ADGRL4: variants seen among roughly 807,000 people sequenced by gnomAD.
The protein encoded by ADGRL4 is adhesion G protein-coupled receptor L4.
Under a neutral mutation model 74.8 loss-of-function variants are expected in ADGRL4, and 90 were observed. The ratio of observed to expected loss-of-function variants is 1.20; its 90% confidence interval spans 1.02 to 1.43. The LOEUF (loss-of-function observed/expected upper bound fraction) is 1.43. Ranked by LOEUF, ADGRL4 falls within the 40% of genes most tolerant of loss-of-function variation. The pLI is 0.00. For synonymous variants in ADGRL4, 311 were observed against 279.2 expected, an observed-to-expected ratio of 1.11 and a Z score of -1.14; for missense variants, 881 against 814.3, an observed-to-expected ratio of 1.08 and a Z score of -1.00.
At chr1:78,931,296 A>G (rs1274867033) in intron 7 of ADGRL4, among the ~76,000 whole-genome samples, 1 of 151,440 alleles carries the variant, frequency 6.6e-6, no homozygotes. Flanking sequence ...TTAAGAAAAG[A>G]ATTTTCAACC....
intron 2 of ADGRL4, among the ~76,000 whole-genome samples, chr1:78,959,053 T>C (rs1489388): frequency 0.014 from 2,191 of 152,296 alleles, 55 homozygotes; most frequent in African/African-American, 0.05. Context: ...GTACATACAT[T>C]GTTTTCTTTA....
rs1203659511 is a variant in ADGRL4, at chr1:78,891,203, T to C, written c.2024A>G (p.Tyr675Cys). ...GGGGACATTTTTGAACAATCTGTAA[T>C]ATTCTTCTTGAATCTAAAAATTAAA... ...CVLSRKIQEEYYRLFKNVPCC... is the reference protein window; with the variant it reads ...CVLSRKIQEECYRLFKNVPCC... Residue 675 changes from tyrosine to cysteine, a missense_variant, in exon 15 of 15, where the codon TAT becomes TGT. Coordinates refer to ENST00000370742, the MANE Select transcript of ADGRL4 (RefSeq NM_022159.4). The C allele has an allele frequency of 1.9e-6, 3 of 1,607,288 alleles. No individual in the cohort carries two copies. The highest frequency in any genetic ancestry group is 1.7e-6 in the Non-Finnish European group (2 of 1,176,218).
intron 2 of ADGRL4, among the ~76,000 whole-genome samples, chr1:78,973,260 G>A (rs539210598): frequency 6.6e-6 from 1 of 151,766 alleles, no homozygotes; most frequent in East Asian, 1.9e-4. Flanking sequence ...TAAATGTCTG[G>A]TGATTCCCTT....
intron 2 of ADGRL4, among the ~76,000 whole-genome samples, chr1:78,987,765 T>A (rs1006608394): frequency 9.2e-5 from 14 of 151,748 alleles, no homozygotes; most frequent in Non-Finnish European, 1.6e-4. Flanking sequence ...ATTGCATGAC[T>A]CTTATCATTT....
At chr1:79,006,612 C>A (rs1201241739) in intron 1 of ADGRL4, 21 bp downstream of exon 1, 1 of 1,536,796 alleles carries the variant, frequency 6.5e-7, no homozygotes, top group South Asian at 1.2e-5. Context: ...ACCTCGGCGA[C>A]CAGGGGCGCT....
chr1:78,951,575 T>C (rs1256999593), intron 2 of ADGRL4, among the ~76,000 whole-genome samples: 1 of 152,230 alleles, frequency 6.6e-6, no homozygotes, highest in African/African-American at 2.4e-5. Context: ...TAGCAAGATT[T>C]ATACCCGATA....
intron 2 of ADGRL4, among the ~76,000 whole-genome samples, chr1:78,973,872 T>C (rs1466407485): frequency 6.6e-6 from 1 of 152,082 alleles, no homozygotes; most frequent in East Asian, 1.9e-4. Context: ...TATTTTACTG[T>C]TCTAATAAAT....
chr1:78,991,718 CAACT>C (rs936541242), intron 2 of ADGRL4, among the ~76,000 whole-genome samples: 57 of 151,884 alleles, frequency 3.8e-4, no homozygotes, highest in Non-Finnish European at 7.7e-4. Flanking sequence ...TATAGTCAAC[CAACT>C]AAGTATAATG....
chr1:78,945,158 C>T (rs1427513126), intron 3 of ADGRL4, among the ~76,000 whole-genome samples: 3 of 73,034 alleles, frequency 4.1e-5, no homozygotes, highest in Non-Finnish European at 5.6e-5. Flanking sequence ...GAGCGAGACT[C>T]TGTCTCAAAA....
At chr1:78,958,975 C>T (rs1489389) in intron 2 of ADGRL4, among the ~76,000 whole-genome samples, 150,339 of 152,306 alleles carry the variant, frequency 0.99, 74,236 homozygotes, top group Middle Eastern at 1. Flanking sequence ...ACCAGCAACA[C>T]GTTTATGACT....
chr1:78,979,637 T>C (rs1447070193), intron 2 of ADGRL4, among the ~76,000 whole-genome samples: 3 of 151,820 alleles, frequency 2.0e-5, no homozygotes, highest in Non-Finnish European at 2.9e-5. Flanking sequence ...TGCAGAGATA[T>C]AGAACCAATC....
chr1:78,936,466 C>T, intron 6 of ADGRL4, 55 bp from the exon 7 acceptor site: 2 of 1,386,492 alleles, frequency 1.4e-6, no homozygotes, highest in Non-Finnish European at 2.0e-6. Flanking sequence ...CAATATACAT[C>T]ATAAATATAT....
In ADGRL4 at chr1:78,948,731, C is replaced by G. The variant is rs192903360; in HGVS notation, c.173-2305G>C. Reference sequence around the variant, plus strand: ...ATGAATGCATAAAATAGAAATTAAACTAGTTTCTTAAAATTAACTGAGAGT... The same window carrying G: ...ATGAATGCATAAAATAGAAATTAAAGTAGTTTCTTAAAATTAACTGAGAGT... On this transcript the variant is annotated intron_variant, in intron 2 of 14. Coordinates refer to ENST00000370742, the MANE Select transcript of ADGRL4 (RefSeq NM_022159.4). 2.0e-5 allele frequency among the ~76,000 whole-genome samples: 3 copies of G among 152,110 alleles called. No individual in the cohort carries two copies. The East Asian group carries it at 5.8e-4, about 29-fold the overall frequency.
chr1:78,978,267 G>A (rs1178992752), intron 2 of ADGRL4, among the ~76,000 whole-genome samples: 2 of 151,872 alleles, frequency 1.3e-5, no homozygotes, highest in African/African-American at 2.4e-5. Context: ...CAGCTTGAGA[G>A]ACTCTCGGGA....
intron 2 of ADGRL4, among the ~76,000 whole-genome samples, chr1:78,954,591 A>G (rs1649792703): frequency 6.6e-6 from 1 of 152,172 alleles, no homozygotes; most frequent in Admixed American, 6.5e-5. Context: ...ATTAACAATA[A>G]ACATACTTAA....
rs373248718 is a variant in ADGRL4 at position 78,893,090 on chromosome 1, G to A, written c.1841+8C>T. On this transcript the variant is annotated splice_region_variant and intron_variant, in intron 13 of 14. Coordinates refer to ENST00000370742, the MANE Select transcript of ADGRL4 (RefSeq NM_022159.4). ...AAAAAAAAAAAGTGAACTTAAAGACGCATTTACCTTATGTTCTCAAAGCAA... is the reference window on the plus strand; with the variant it reads ...AAAAAAAAAAAGTGAACTTAAAGACACATTTACCTTATGTTCTCAAAGCAA... The A allele has an allele frequency of 2.4e-5, 34 of 1,401,960 alleles. 1 individual carries two copies. The highest frequency in any genetic ancestry group is 2.0e-4 in the Middle Eastern group (1 of 4,984). The allele number at this position is 1,401,960 out of a possible 1,614,324, so 86.8% of individuals were successfully genotyped here. A position where few individuals can be genotyped will look rare whatever the true frequency, so the allele number is the denominator to read the frequency against.
In ADGRL4 at chr1:78,975,487, T is replaced by C. The variant is rs888221097; in HGVS notation, c.173-29061A>G. 3.6e-4 allele frequency among the ~76,000 whole-genome samples: 54 copies of C among 151,946 alleles called. 1 individual carries two copies. The highest frequency in any genetic ancestry group is 3.2e-3 in the Admixed American group (48 of 15,214). On this transcript the variant is annotated intron_variant, in intron 2 of 14. Transcript: ENST00000370742. ...ACTCCTATCATCCACTTAAAGACCC[T>C]CTTAAATGGTCTTACATGAACTCTT...
chr1:78,897,592 A>G (rs1473703955), intron 12 of ADGRL4, among the ~76,000 whole-genome samples: 1 of 152,148 alleles, frequency 6.6e-6, no homozygotes, highest in African/African-American at 2.4e-5. Context: ...GTAGTCCTGA[A>G]TAAAGTCTCC....
chr1:78,999,000 A>T (rs959253564), intron 2 of ADGRL4, among the ~76,000 whole-genome samples: 5 of 152,146 alleles, frequency 3.3e-5, no homozygotes, highest in East Asian at 3.8e-4. Context: ...TCAATATATA[A>T]TTTTTTTATT....
Sources: allele counts gnomAD v4.1 joint callset (sites outside exome capture counted in the v4.1 genomes callset), GRCh38; gene constraint gnomAD v4.1.1; transcripts MANE v1.5; gene names NCBI Gene and HGNC (gene_info 2026-07-23, HGNC 2026-07-21).